Variants in DLGAP4 observed in about 807,000 individuals in gnomAD.
DLGAP4 encodes the protein DLG associated protein 4.
Under a neutral mutation model 86.9 loss-of-function variants are expected in DLGAP4, and 18 were observed. The ratio of observed to expected loss-of-function variants is 0.21; its 90% CI spans 0.14 to 0.31. DLGAP4 has a LOEUF of 0.31. DLGAP4 is among the 10% of genes least tolerant of loss of function. The pLI is 1.00. For missense variants in DLGAP4, 1,085 were observed against 1,362.6 expected, an observed-to-expected ratio of 0.80 and a Z score of 3.21; for synonymous variants, 548 against 574.3, an observed-to-expected ratio of 0.95 and a Z score of 0.65.
At chr20:36,341,389 T>C (rs1022783938) in intron 1 of DLGAP4, among the ~76,000 whole-genome samples, 2 of 152,200 alleles carry the variant, frequency 1.3e-5, no homozygotes, top group Admixed American at 6.5e-5. Flanking sequence ...AGCGTCCTCA[T>C]CTGTCTTGTT....
chr20:36,526,198 G>C, intron 12 of DLGAP4, 192 bp downstream of exon 12: 2 of 771,564 alleles, frequency 2.6e-6, no homozygotes, highest in South Asian at 1.6e-5. Flanking sequence ...TGTAGTTGAG[G>C]CTGCCCCTGA....
chr20:36,525,331 AG>A (rs1394067229), intron 11 of DLGAP4, among the ~76,000 whole-genome samples: 2 of 149,130 alleles, frequency 1.3e-5, no homozygotes, highest in Non-Finnish European at 3.0e-5. Flanking sequence ...TGGCCCTGCC[AG>A]GGTCAAAAGC....
At chr20:36,373,903 G>T (rs1024490636) in intron 2 of DLGAP4, among the ~76,000 whole-genome samples, 4 of 151,980 alleles carry the variant, frequency 2.6e-5, no homozygotes, top group African/African-American at 9.7e-5. Context: ...CCAGTGTGGT[G>T]GCCAGCGCCT....
chr20:36,443,785 C>G (rs2033516806), intron 6 of DLGAP4, among the ~76,000 whole-genome samples: 2 of 152,284 alleles, frequency 1.3e-5, no homozygotes, highest in Non-Finnish European at 2.9e-5. Context: ...CCAACACTGA[C>G]AGACTCCACA....
intron 7 of DLGAP4, among the ~76,000 whole-genome samples, chr20:36,491,030 TAAAAAA>T (rs757935259): frequency 9.9e-6 from 1 of 101,440 alleles, no homozygotes; most frequent in Non-Finnish European, 2.0e-5. Flanking sequence ...CCATCTCTAC[TAAAAAA>T]AAAAAAAAAA....
intron 1 of DLGAP4, among the ~76,000 whole-genome samples, chr20:36,331,013 G>C (rs1370257000): frequency 2.0e-5 from 3 of 152,216 alleles, no homozygotes; most frequent in African/African-American, 7.2e-5. Context: ...TCCAATTCAA[G>C]TGGTGAGGAG....
intron 7 of DLGAP4, among the ~76,000 whole-genome samples, chr20:36,484,758 T>C (rs1219049006): frequency 6.6e-6 from 1 of 152,236 alleles, no homozygotes; most frequent in Non-Finnish European, 1.5e-5. Flanking sequence ...GGGAGGGGGC[T>C]GGAGCCCTAG....
chr20:36,459,087 C>T (rs1014837085), intron 7 of DLGAP4, among the ~76,000 whole-genome samples: 7 of 152,164 alleles, frequency 4.6e-5, no homozygotes, highest in African/African-American at 1.7e-4. Context: ...CCTTGGGGTC[C>T]AGGCTGGGGA....
At chr20:36,523,896 C>T (rs1205779951) in intron 10 of DLGAP4, among the ~76,000 whole-genome samples, 1 of 152,150 alleles carries the variant, frequency 6.6e-6, no homozygotes, top group African/African-American at 2.4e-5. Flanking sequence ...CTCCTGACCT[C>T]AGGTGATCTG....
Position 36,462,279 on chromosome 20 carries a change from T to A in DLGAP4, c.1648+15342T>A, listed in dbSNP as rs1375926403. 2.3e-6 allele frequency: 3 copies of A among 1,300,392 alleles called. No homozygotes were observed. The Admixed American group carries it at 1.3e-4, about 58-fold the overall frequency. The allele number at this position is 1,300,392 out of a possible 1,614,324, so 80.6% of individuals were successfully genotyped here. ...CCCTGGTTTGTCCCCTGTCGCTGTCTCTCCTTGTTCTCTCTCAGGTCTCCG... is the reference window on the plus strand; with the variant it reads ...CCCTGGTTTGTCCCCTGTCGCTGTCACTCCTTGTTCTCTCTCAGGTCTCCG... On this transcript the variant is annotated intron_variant, in intron 7 of 12. Coordinates refer to ENST00000339266, the MANE Select transcript of DLGAP4 (RefSeq NM_001365621.2).
Position 36,461,438 on chromosome 20 carries a change from G to C in DLGAP4, c.1648+14501G>C, listed in dbSNP as rs1402250506. Reference sequence around the variant, plus strand: ...GCGGGGAGGGGCGGGGCAGGTGCGGGACTTTAACCCGGAGCCCCGCCCCTC... The same window carrying C: ...GCGGGGAGGGGCGGGGCAGGTGCGGCACTTTAACCCGGAGCCCCGCCCCTC... On this transcript the variant is annotated intron_variant, in intron 7 of 12. Coordinates refer to ENST00000339266, the MANE Select transcript of DLGAP4 (RefSeq NM_001365621.2). The C allele has an allele frequency of 2.4e-5, 21 of 875,706 alleles. No individual in the cohort carries two copies. In the South Asian group the frequency reaches 9.9e-4, roughly 41 times the overall value. 54.2% of individuals were successfully genotyped at this position (875,706 alleles called of 1,614,324 possible).
At chr20:36,408,252 G>A (rs946926954) in intron 2 of DLGAP4, among the ~76,000 whole-genome samples, 1 of 151,946 alleles carries the variant, frequency 6.6e-6, no homozygotes, top group African/African-American at 2.4e-5. Context: ...GGGAAGAACA[G>A]GGAGGAGGGC....
At chr20:36,480,096 T>G (rs1443653707) in intron 7 of DLGAP4, among the ~76,000 whole-genome samples, 1 of 152,150 alleles carries the variant, frequency 6.6e-6, no homozygotes, top group Non-Finnish European at 1.5e-5. Flanking sequence ...TGGGAGAAAT[T>G]CAGACCCAGG....
chr20:36,423,524 A>G (rs1362687829), intron 2 of DLGAP4, among the ~76,000 whole-genome samples: 1 of 147,586 alleles, frequency 6.8e-6, no homozygotes, highest in African/African-American at 2.5e-5. Flanking sequence ...TGCAGTTTCC[A>G]CCATGCCGTG....
chr20:36,386,169 G>T (rs2031589140), intron 2 of DLGAP4, among the ~76,000 whole-genome samples: 1 of 152,210 alleles, frequency 6.6e-6, no homozygotes. Flanking sequence ...CATGCAGCCA[G>T]CAGGACACAG....
chr20:36,499,411 C>A, intron 8 of DLGAP4, 177 bp from the exon 9 acceptor site: 1 of 1,372,160 alleles, frequency 7.3e-7, no homozygotes, highest in South Asian at 1.3e-5. Flanking sequence ...ATGAGCAGTG[C>A]CCGGCTTAAC....
At chr20:36,321,568 G>A (rs1004327792) in intron 1 of DLGAP4, among the ~76,000 whole-genome samples, 39 of 152,378 alleles carry the variant, frequency 2.6e-4, no homozygotes, top group Admixed American at 4.6e-4. Flanking sequence ...AGCGCCTGGT[G>A]AGGCGCTCGC....
chr20:36,386,590 T>C (rs543481742), intron 2 of DLGAP4, among the ~76,000 whole-genome samples: 30 of 151,980 alleles, frequency 2.0e-4, no homozygotes, highest in South Asian at 2.1e-4. Flanking sequence ...TCTTTTTGGG[T>C]TGGGGGAAGG....
At chr20:36,324,487 G>T (rs2065198304) in intron 1 of DLGAP4, among the ~76,000 whole-genome samples, 1 of 152,084 alleles carries the variant, frequency 6.6e-6, no homozygotes, top group Admixed American at 6.5e-5. Flanking sequence ...GATCCATTTT[G>T]AGTTATTTTT....
Sources: allele counts gnomAD v4.1 joint callset (sites outside exome capture counted in the v4.1 genomes callset), GRCh38; gene constraint gnomAD v4.1.1; transcripts MANE v1.5; gene names NCBI Gene and HGNC (gene_info 2026-07-23, HGNC 2026-07-21).